The following PCAT7 variants were observed in gnomAD, a reference collection of about 807,000 sequenced individuals.
PCAT7 encodes the protein prostate cancer associated transcript 7.
intron 2 of PCAT7, among the ~76,000 whole-genome samples, chr9:94,565,203 A>G (rs1459424432): frequency 6.6e-6 from 1 of 152,060 alleles, no homozygotes; most frequent in East Asian, 1.9e-4. Context: ...GTGAAATCCC[A>G]TCTCTACTAA....
intron 2 of PCAT7, among the ~76,000 whole-genome samples, chr9:94,560,591 C>T (rs1230745988): frequency 6.6e-6 from 1 of 152,056 alleles, no homozygotes; most frequent in East Asian, 1.9e-4. Context: ...CAGCTATGTG[C>T]AGCCTTTCCT....
At position 94,555,127 on chromosome 9, in the gene PCAT7, TG is replaced by T. The variant is rs1379424576; in HGVS notation, n.75del. 1.4e-4 allele frequency: 21 copies of T among 150,912 alleles called. No homozygotes were observed. In the Middle Eastern group the frequency reaches 0.01, roughly 73 times the overall value. 9.3% of individuals were successfully genotyped at this position (150,912 alleles called of 1,614,324 possible). A position where few individuals can be genotyped will look rare whatever the true frequency, so the allele number is the denominator to read the frequency against. On this transcript the variant is annotated non_coding_transcript_exon_variant, in exon 1 of 9. Coordinates refer to ENST00000647389, the Ensembl canonical transcript of PCAT7. ...AGCAGAGTTACGTTTTTTTTGTTGT[TG>T]TTTTTTTTGTTTTTGTTTTTTTAGG...
chr9:94,561,449 G>A (rs893424848), intron 2 of PCAT7, among the ~76,000 whole-genome samples: 5 of 133,118 alleles, frequency 3.8e-5, no homozygotes, highest in African/African-American at 5.7e-5. Context: ...TGCAAGCTCC[G>A]CCTCCCAGGT....
intron 2 of PCAT7, among the ~76,000 whole-genome samples, chr9:94,561,076 C>T (rs954845989): frequency 2.0e-5 from 3 of 152,100 alleles, no homozygotes; most frequent in Non-Finnish European, 4.4e-5. Flanking sequence ...GCCAAGGAGA[C>T]TCTCACCTTG....
intron 2 of PCAT7, among the ~76,000 whole-genome samples, chr9:94,566,961 A>C (rs1827198738): frequency 1.3e-5 from 2 of 152,028 alleles, no homozygotes; most frequent in Admixed American, 6.6e-5. Flanking sequence ...GTTGGAGCTT[A>C]AACAAATGAC....
chr9:94,560,065 C>T (rs1029359770), intron 2 of PCAT7, among the ~76,000 whole-genome samples: 1 of 152,216 alleles, frequency 6.6e-6, no homozygotes, highest in African/African-American at 2.4e-5. Context: ...TTCAAGGCTG[C>T]GGTGAGCTGT....
intron 2 of PCAT7, chr9:94,569,104 A>G (rs1044893372): frequency 6.6e-6 from 1 of 152,264 alleles, no homozygotes; most frequent in Admixed American, 6.5e-5. Flanking sequence ...TACTTCTGAA[A>G]AGTGCCCTGA....
intron 2 of PCAT7, chr9:94,567,498 G>A (rs976219932): frequency 6.7e-7 from 1 of 1,486,694 alleles, no homozygotes; most frequent in Non-Finnish European, 9.2e-7. Flanking sequence ...GAGAAGATGG[G>A]GGCCTGCTGG....
At chr9:94,571,749 A>T in intron 2 of PCAT7, 1 of 703,074 alleles carries the variant, frequency 1.4e-6, no homozygotes, top group Middle Eastern at 3.6e-4. Context: ...TCCAGAGGAA[A>T]CGAGTGGCCA....
rs569440971 is a variant in PCAT7, at chr9:94,574,083, G to A, written n.512+1034G>A. 3.9e-5 allele frequency among the ~76,000 whole-genome samples: 6 copies of A among 152,320 alleles called. No individual in the cohort carries two copies. In the East Asian group the frequency reaches 1.2e-3, roughly 29 times the overall value. On this transcript the variant is annotated intron_variant and non_coding_transcript_variant, in intron 3 of 8. Transcript: ENST00000647389. ...CATCTAAGTTGTCAAATGTATGCATGTGGAGTTGTTTCTAATATTCTCTTT... is the reference window on the plus strand; with the variant it reads ...CATCTAAGTTGTCAAATGTATGCATATGGAGTTGTTTCTAATATTCTCTTT...
At chr9:94,571,667 GCCTGGGCTTC>G in intron 2 of PCAT7, 1 of 1,452,366 alleles carries the variant, frequency 6.9e-7, no homozygotes, top group Non-Finnish European at 9.3e-7. Context: ...TTTGCCAGGG[GCCTGGGCTTC>G]AGATCTCCTC....
chr9:94,560,732 A>G (rs1181210186), intron 2 of PCAT7, among the ~76,000 whole-genome samples: 2 of 147,684 alleles, frequency 1.4e-5, no homozygotes, highest in Non-Finnish European at 3.0e-5. Context: ...TATAATATAT[A>G]TTTACATATA....
intron 2 of PCAT7, among the ~76,000 whole-genome samples, chr9:94,561,255 T>C (rs4744353): frequency 0.61 from 92,687 of 151,806 alleles, 28,571 homozygotes; most frequent in Admixed American, 0.73. Context: ...GTTACTTTTG[T>C]TCTGACCTCA....
At chr9:94,563,504 G>A (rs775001804) in intron 2 of PCAT7, 1 of 1,594,940 alleles carries the variant, frequency 6.3e-7, no homozygotes, top group South Asian at 1.1e-5. Flanking sequence ...GTGGCTTTCA[G>A]GATTAGCCAG....
intron 2 of PCAT7, among the ~76,000 whole-genome samples, chr9:94,565,793 A>AGATAGAT (rs370309629): frequency 0.011 from 1,395 of 128,026 alleles, 27 homozygotes; most frequent in African/African-American, 0.049. Context: ...GATAGATGAT[A>AGATAGAT]GATAGGTGAG....
intron 2 of PCAT7, chr9:94,563,226 C>G (rs186988172): frequency 4.2e-4 from 500 of 1,189,798 alleles, no homozygotes; most frequent in Non-Finnish European, 5.5e-4. Context: ...CCTCCCCTGC[C>G]CATCCCCACA....
intron 2 of PCAT7, among the ~76,000 whole-genome samples, chr9:94,561,350 G>GTTTTTTT (rs1463916724): frequency 5.0e-5 from 3 of 59,788 alleles, no homozygotes; most frequent in African/African-American, 1.5e-4. Flanking sequence ...CATGTGACCT[G>GTTTTTTT]TATTTTTTTT....
chr9:94,569,424 A>G (rs1032405932), intron 2 of PCAT7: 1 of 152,206 alleles, frequency 6.6e-6, no homozygotes, highest in Non-Finnish European at 1.5e-5. Context: ...TCCAGCAAAG[A>G]GGATGGAGAT....
At chr9:94,565,870 G>C (rs1039461088) in intron 2 of PCAT7, among the ~76,000 whole-genome samples, 7 of 152,106 alleles carry the variant, frequency 4.6e-5, no homozygotes, top group Admixed American at 2.0e-4. Flanking sequence ...GGGGAGGAGA[G>C]CAAGGGCCTC....
Sources: allele counts gnomAD v4.1 joint callset (sites outside exome capture counted in the v4.1 genomes callset), GRCh38; gene constraint gnomAD v4.1.1; transcripts MANE v1.5; gene names NCBI Gene and HGNC (gene_info 2026-07-23, HGNC 2026-07-21).